CSMD3: variants seen among roughly 807,000 people sequenced by gnomAD.
CSMD3 encodes the protein CUB and sushi domain-containing protein 3.
Under a neutral mutation model 435.2 loss-of-function variants are expected in CSMD3, and 177 were observed. The ratio of observed to expected loss-of-function variants is 0.41; its 90% CI spans 0.36 to 0.46. The LOEUF (loss-of-function observed/expected upper bound fraction) is 0.46, where lower values mean the gene tolerates loss of function less well. Ranked by LOEUF, CSMD3 falls within the 20% of genes least tolerant of loss-of-function variation. The probability of loss-of-function intolerance (pLI) is 0.34; values close to 1 mark genes in which losing one functional copy is unlikely to be tolerated. For missense variants in CSMD3, 4,265 were observed against 4,504.6 expected (o/e 0.95, Z 1.52); for synonymous variants, 1,656 against 1,520.5 (o/e 1.09, Z -2.07).
rs112329457 is a variant in CSMD3 at position 113,176,896 on chromosome 8, T to TA, written c.515-2981dup. ...CACATCCTGGACATATACCCAAACTTAAAAAAAAAAATAAAGTATGTTTAA... is the reference window on the plus strand; with the variant it reads ...CACATCCTGGACATATACCCAAACTTAAAAAAAAAAAATAAAGTATGTTTAA... On this transcript the variant is annotated intron_variant, in intron 3 of 70. Transcript: ENST00000297405. Among the ~76,000 whole-genome samples, 52 of 142,682 alleles carry TA rather than the reference T, an allele frequency of 3.6e-4. No individual in the cohort carries two copies. In the South Asian group the frequency reaches 7.1e-3, roughly 19 times the overall value. The allele number at this position is 142,682 out of a possible 152,430, so 93.6% of individuals were successfully genotyped here. A position where few individuals can be genotyped will look rare whatever the true frequency, so the allele number is the denominator to read the frequency against.
intron 68 of CSMD3, among the ~76,000 whole-genome samples, chr8:112,233,570 G>A (rs183478990): frequency 7.9e-5 from 12 of 152,164 alleles, no homozygotes; most frequent in African/African-American, 2.9e-4. Flanking sequence ...CCTACTAGAT[G>A]GTAGGCTTCT....
intron 9 of CSMD3, among the ~76,000 whole-genome samples, chr8:112,924,465 AGAT>A (rs1431847463): frequency 2.0e-5 from 3 of 152,110 alleles, no homozygotes; most frequent in South Asian, 4.1e-4. Flanking sequence ...TATTTGTCAC[AGAT>A]GATTATGATA....
intron 38 of CSMD3, among the ~76,000 whole-genome samples, chr8:112,373,231 G>T (rs1828613199): frequency 6.6e-6 from 1 of 151,832 alleles, no homozygotes; most frequent in African/African-American, 2.4e-5. Context: ...AAACCTTAAA[G>T]TGTTCTGCAT....
intron 13 of CSMD3, among the ~76,000 whole-genome samples, chr8:112,705,418 C>A (rs182132158): frequency 6.6e-6 from 1 of 152,046 alleles, no homozygotes; most frequent in Non-Finnish European, 1.5e-5. Context: ...CATTTCTTCA[C>A]GAATTTAGGA....
chr8:112,230,907 T>C (rs1293358311), intron 69 of CSMD3, among the ~76,000 whole-genome samples: 1 of 152,200 alleles, frequency 6.6e-6, no homozygotes, highest in African/African-American at 2.4e-5. Flanking sequence ...CCTGTCACAG[T>C]ATAATAATGG....
intron 13 of CSMD3, among the ~76,000 whole-genome samples, chr8:112,706,540 A>T (rs1430966958): frequency 1.3e-5 from 2 of 152,036 alleles, no homozygotes; most frequent in Non-Finnish European, 2.9e-5. Context: ...CTTTTTAGGT[A>T]TGGAGAGTAG....
Position 112,341,479 on chromosome 8 carries a change from T to C in CSMD3, c.6650A>G (p.Gln2217Arg), listed in dbSNP as rs1331720208. Residue 2217 changes from glutamine to arginine, a missense_variant and splice_region_variant, in exon 42 of 71, where the codon CAA (glutamine) becomes CGA (arginine). Gln to Arg is a conservative substitution (Grantham distance 43). Around this residue, in one of 3 missense-constraint regions of CSMD3, gnomAD observed 3,255 missense variants for 3,380.2 expected, o/e 0.96. Transcript: ENST00000297405. ...TCATTTTTTATTATTTCTCTTACCT[T>C]GGTATACAATATGAAACCCTTGTTT... ...QNKQGFHIVY[Q>R]AYQLQSCPDP... 1.9e-6 allele frequency: 3 copies of C among 1,584,404 alleles called. No individual in the cohort carries two copies. Among genetic ancestry groups the C allele is most frequent in the Non-Finnish European group, 2.6e-6 (3 of 1,153,102 alleles).
intron 10 of CSMD3, among the ~76,000 whole-genome samples, chr8:112,913,680 T>TCC (rs1313469189): frequency 4.0e-5 from 6 of 150,732 alleles, no homozygotes; most frequent in African/African-American, 1.5e-4. Context: ...TTTTTTTTTC[T>TCC]CCTCTCTCTC....
chr8:112,881,162 G>C (rs888099175), intron 10 of CSMD3, among the ~76,000 whole-genome samples: 1 of 151,916 alleles, frequency 6.6e-6, no homozygotes, highest in South Asian at 2.1e-4. Flanking sequence ...ACGTTACAGG[G>C]AGAGAGACAA....
intron 1 of CSMD3, among the ~76,000 whole-genome samples, chr8:113,350,083 C>G (rs1208035076): frequency 1.3e-5 from 2 of 151,704 alleles, no homozygotes; most frequent in Non-Finnish European, 2.9e-5. Context: ...TTCCCGCTAC[C>G]CTAGAAAAGG....
intron 16 of CSMD3, among the ~76,000 whole-genome samples, chr8:112,675,886 T>G (rs2075760319): frequency 6.6e-6 from 1 of 152,082 alleles, no homozygotes; most frequent in Non-Finnish European, 1.5e-5. Context: ...GACCAAGATG[T>G]CAGCAGTGGA....
At position 113,233,534 on chromosome 8, in the gene CSMD3, A is replaced by G. The variant is rs149129987; in HGVS notation, c.514+45058T>C. 6.7e-4 allele frequency among the ~76,000 whole-genome samples: 102 copies of G among 151,144 alleles called. 1 individual carries two copies. Among genetic ancestry groups the G allele is most frequent in the Admixed American group, 1.7e-3 (26 of 15,148 alleles). On this transcript the variant is annotated intron_variant, in intron 3 of 70. Coordinates refer to ENST00000297405, the MANE Select transcript of CSMD3 (RefSeq NM_198123.2). The stretch of plus-strand genomic sequence containing the variant: ...ATGTTAGAATATTAATTATAAAAAT[A>G]TTTACATGATATAATAAGAAGCTAG...
At chr8:112,298,998 G>A (rs1370071599) in intron 53 of CSMD3, among the ~76,000 whole-genome samples, 1 of 152,038 alleles carries the variant, frequency 6.6e-6, no homozygotes. Flanking sequence ...CTGAAATGTG[G>A]CATATTTGTA....
chr8:113,376,862 G>T lies in CSMD3; in HGVS notation c.178+59815C>A, dbSNP rs111723232. ...AACCGGCCACCTCTGCCCCTTTCCC[G>T]GATGATCTGGAAGATGAAGCTTCCT... is the stretch of plus-strand genomic sequence containing the variant. On this transcript the variant is annotated intron_variant, in intron 1 of 70. Coordinates refer to ENST00000297405, the MANE Select transcript of CSMD3 (RefSeq NM_198123.2). The T allele has an allele frequency of 5.0e-6, 8 of 1,610,960 alleles. No individual in the cohort carries two copies. The East Asian group carries it at 1.6e-4, about 32-fold the overall frequency.
At chr8:112,706,923 T>C (rs2076510458) in intron 13 of CSMD3, among the ~76,000 whole-genome samples, 1 of 152,114 alleles carries the variant, frequency 6.6e-6, no homozygotes, top group African/African-American at 2.4e-5. Flanking sequence ...AACATGGCAT[T>C]GTTCACTTGC....
intron 3 of CSMD3, among the ~76,000 whole-genome samples, chr8:113,222,329 T>G (rs1012027837): frequency 2.0e-5 from 3 of 151,030 alleles, no homozygotes; most frequent in South Asian, 4.1e-4. Context: ...TTTTAATCTT[T>G]AAATTTAGAA....
chr8:113,341,154 T>G (rs2094116076), intron 1 of CSMD3, among the ~76,000 whole-genome samples: 1 of 152,158 alleles, frequency 6.6e-6, no homozygotes, highest in African/African-American at 2.4e-5. Context: ...TGTAAGTGCA[T>G]GTATTTATGC....
Position 112,453,279 on chromosome 8 carries a change from G to A in CSMD3, c.5395+19312C>T, listed in dbSNP as rs191344471. On this transcript the variant is annotated intron_variant, in intron 32 of 70. Coordinates refer to ENST00000297405, the MANE Select transcript of CSMD3 (RefSeq NM_198123.2). ...AGTCCCAGTCAGAGCAATCAGGCAA[G>A]AGAAAGAAATAAAAGGAATCCAAGT... Among the ~76,000 whole-genome samples the A allele has an allele frequency of 6.3e-3, 956 of 152,154 alleles. 8 individuals carry two copies. The highest frequency in any genetic ancestry group is 0.011 in the Non-Finnish European group (738 of 67,972).
intron 27 of CSMD3, among the ~76,000 whole-genome samples, chr8:112,545,500 AAAATAAT>A (rs1281660444): frequency 2.8e-5 from 4 of 142,850 alleles, no homozygotes; most frequent in East Asian, 2.0e-4. Flanking sequence ...AAAAAAAAAA[AAAATAAT>A]AATAATAATA....
Sources: gnomAD v4.1 joint callset for allele counts (sites outside exome capture counted in the v4.1 genomes callset) on GRCh38, gnomAD v4.1.1 for gene constraint, gnomAD v4.1.1 regional missense constraint, MANE v1.5 for transcripts, NCBI Gene and HGNC (gene_info 2026-07-23, HGNC 2026-07-21) for gene names.